The following NHERF1 variants were observed in gnomAD, a reference collection of about 807,000 sequenced individuals.
NHERF1 encodes the protein Na(+)/H(+) exchange regulatory cofactor NHE-RF1.
At chr17:74,755,281 A>G in the NHERF1 span, among the ~76,000 whole-genome samples, 1 of 152,150 alleles carries the variant, frequency 6.6e-6, no homozygotes, top group Non-Finnish European at 1.5e-5. Flanking sequence ...GCCTCAGCCC[A>G]TAAGTGGCAG....
At chr17:74,748,751 G>C in the NHERF1 span, 15 of 1,168,898 alleles carry the variant, frequency 1.3e-5, no homozygotes, top group Non-Finnish European at 1.8e-5. The surrounding 1 kb of genome is among the most constrained non-coding windows in gnomAD (Gnocchi z 4.3). Context: ...CTTCTCTGCT[G>C]CGCTCCCGGT....
chr17:74,760,895 G>A, the NHERF1 span, among the ~76,000 whole-genome samples: 1 of 152,204 alleles, frequency 6.6e-6, no homozygotes, highest in African/African-American at 2.4e-5. This position sits in a 1 kb window ranked among gnomAD's most constrained non-coding sequence, Gnocchi z 4.5. Context: ...TGGGAGCCTT[G>A]ACTATCCACT....
chr17:74,752,845 C>T, the NHERF1 span, among the ~76,000 whole-genome samples: 3 of 152,226 alleles, frequency 2.0e-5, no homozygotes, highest in Non-Finnish European at 4.4e-5. Context: ...GTGGTAAGCC[C>T]AAGGGCATCA....
the NHERF1 span, among the ~76,000 whole-genome samples, chr17:74,757,785 C>T: frequency 7.9e-5 from 12 of 152,342 alleles, no homozygotes; most frequent in East Asian, 1.7e-3. Context: ...TTCCTGCCCC[C>T]GCCGTCCTGC....
the NHERF1 span, among the ~76,000 whole-genome samples, chr17:74,757,528 G>T: frequency 1.6e-4 from 24 of 152,096 alleles, no homozygotes; most frequent in Non-Finnish European, 2.6e-4. Context: ...CTGCCTAGAG[G>T]TGTGGACACT....
the NHERF1 span, among the ~76,000 whole-genome samples, chr17:74,755,524 C>T: frequency 0.068 from 10,332 of 152,214 alleles, 469 homozygotes; most frequent in African/African-American, 0.14. Flanking sequence ...TTACAGATTC[C>T]CTGAGGTCCA....
At chr17:74,752,446 GTCC>G in the NHERF1 span, among the ~76,000 whole-genome samples, 1 of 152,004 alleles carries the variant, frequency 6.6e-6, no homozygotes, top group Non-Finnish European at 1.5e-5. Flanking sequence ...CAGGGAGCCT[GTCC>G]TTAATCCAGT....
chr17:74,761,687 C>T, the NHERF1 span, among the ~76,000 whole-genome samples: 1 of 152,224 alleles, frequency 6.6e-6, no homozygotes, highest in Non-Finnish European at 1.5e-5. The surrounding 1 kb of genome is among the most constrained non-coding windows in gnomAD (Gnocchi z 4.3). Flanking sequence ...ATCAACACAG[C>T]ATGTGATTCA....
At chr17:74,767,928 C>G in the NHERF1 span, 23 of 667,424 alleles carry the variant, frequency 3.4e-5, no homozygotes, top group African/African-American at 2.5e-4. Context: ...CATCCCATCC[C>G]TCCAGCCTGA....
the NHERF1 span, among the ~76,000 whole-genome samples, chr17:74,754,391 C>A: frequency 2.9e-5 from 4 of 137,986 alleles, no homozygotes; most frequent in Non-Finnish European, 4.7e-5. Context: ...TTCTTTCTTT[C>A]TTTCTTTCTT....
the NHERF1 span, among the ~76,000 whole-genome samples, chr17:74,749,650 C>T: frequency 6.6e-6 from 1 of 152,184 alleles, no homozygotes; most frequent in African/African-American, 2.4e-5. This position sits in a 1 kb window ranked among gnomAD's most constrained non-coding sequence, Gnocchi z 5.6. Context: ...TTCCCTGGTG[C>T]CCTCTCCTCG....
At chr17:74,765,393 G>A in the NHERF1 span, among the ~76,000 whole-genome samples, 1 of 151,476 alleles carries the variant, frequency 6.6e-6, no homozygotes, top group African/African-American at 2.4e-5. Context: ...CTGAGTAGCC[G>A]GGACTACAGC....
At chr17:74,749,245 C>A in the NHERF1 span, 1 of 1,529,100 alleles carries the variant, frequency 6.5e-7, no homozygotes, top group Non-Finnish European at 8.7e-7. The surrounding 1 kb of genome is among the most constrained non-coding windows in gnomAD (Gnocchi z 5.6). Flanking sequence ...GGGCTGGCAA[C>A]GAAAATGAGC....
At chr17:74,768,043 A>T in the NHERF1 span, 1 of 838,096 alleles carries the variant, frequency 1.2e-6, no homozygotes, top group Non-Finnish European at 2.1e-6. Context: ...CATCAGTGCT[A>T]CCTCTTCTCA....
At chr17:74,752,274 A>C in the NHERF1 span, among the ~76,000 whole-genome samples, 1 of 151,654 alleles carries the variant, frequency 6.6e-6, no homozygotes, top group Non-Finnish European at 1.5e-5. Flanking sequence ...GTCTCTATTA[A>C]ATTTTTTCTT....
the NHERF1 span, among the ~76,000 whole-genome samples, chr17:74,749,590 G>A: frequency 1.3e-5 from 2 of 152,160 alleles, no homozygotes; most frequent in African/African-American, 4.8e-5. The surrounding 1 kb of genome is among the most constrained non-coding windows in gnomAD (Gnocchi z 5.6). Context: ...CCCTTCCCTC[G>A]GGTCTGTGGG....
the NHERF1 span, chr17:74,768,288 A>C: frequency 6.9e-7 from 1 of 1,448,312 alleles, no homozygotes; most frequent in Non-Finnish European, 9.7e-7. Flanking sequence ...GCCGATTCCC[A>C]GGCCCCACTT....
the NHERF1 span, among the ~76,000 whole-genome samples, chr17:74,761,833 A>G: frequency 4.1e-4 from 63 of 152,330 alleles, 1 homozygote; most frequent in African/African-American, 1.4e-3. The surrounding 1 kb of genome is among the most constrained non-coding windows in gnomAD (Gnocchi z 4.3). Flanking sequence ...GGTGCTGGGT[A>G]TCCACACAAG....
At chr17:74,765,441 G>A in the NHERF1 span, among the ~76,000 whole-genome samples, 2 of 151,822 alleles carry the variant, frequency 1.3e-5, no homozygotes, top group African/African-American at 4.8e-5. Flanking sequence ...TATATTTTTA[G>A]TAGAGATGGG....
Sources: gnomAD v4.1 joint callset for allele counts (sites outside exome capture counted in the v4.1 genomes callset) on GRCh38, gnomAD v4.1.1 for gene constraint, Gnocchi (gnomAD v3.1) non-coding constraint, MANE v1.5 for transcripts, NCBI Gene and HGNC (gene_info 2026-07-23, HGNC 2026-07-21) for gene names.